The following TMEM37 variants were observed in gnomAD, a reference collection of about 807,000 sequenced individuals.
The protein encoded by TMEM37 is transmembrane protein 37, also known as voltage-dependent calcium channel gamma-like subunit.
Under a neutral mutation model 11.0 loss-of-function variants are expected in TMEM37, and 12 were observed. The observed-to-expected ratio is 1.09, with a 90% confidence interval of 0.70 to 1.76. The LOEUF is 1.76. Among genes scored for constraint, TMEM37 ranks in the 40% most tolerant of loss-of-function variants. TMEM37 has a pLI of 0.00. For synonymous variants in TMEM37, 127 were observed against 110.5 expected, an observed-to-expected ratio of 1.15 and a Z score of -0.94; for missense variants, 203 against 251.2, an observed-to-expected ratio of 0.81 and a Z score of 1.30.
At chr2:119,430,867 T>C (rs993154859), upstream of TMEM37, among the ~76,000 whole-genome samples, 3 of 152,268 alleles carry the variant, frequency 2.0e-5, no homozygotes, top group East Asian at 5.8e-4. Flanking sequence ...CCGGATGCGG[T>C]GGCTCATGCC....
At position 119,437,086 on chromosome 2, in the gene TMEM37, C is replaced by T; in HGVS notation, c.219C>T (p.Phe73=). The T allele has an allele frequency of 2.5e-6, 4 of 1,614,228 alleles. No homozygotes were observed. Among genetic ancestry groups the T allele is most frequent in the Non-Finnish European group, 3.4e-6 (4 of 1,180,018 alleles). ...CCACCACCAACCAGACGATCTGCTTCAGAGACCTGGGCCAGGCCCATGTGC... is the reference window on the plus strand; with the variant it reads ...CCACCACCAACCAGACGATCTGCTTTAGAGACCTGGGCCAGGCCCATGTGC... ...FCTTTNQTIC[F]RDLGQAHVPG... is the part of the protein sequence containing the mutation. Residue 73 remains phenylalanine (F), a synonymous_variant, in exon 2 of 2, where the codon TTC becomes TTT. Transcript: ENST00000306406.
intron 1 of TMEM37, among the ~76,000 whole-genome samples, chr2:119,434,746 C>T (rs1035115888): frequency 6.6e-6 from 1 of 152,216 alleles, no homozygotes; most frequent in Admixed American, 6.5e-5. Context: ...CATCCCTCTG[C>T]ACGCACCTTT....
rs1207182701 is a variant in TMEM37, at chr2:119,437,408, C to G, written c.541C>G (p.His181Asp). Residue 181 changes from histidine to aspartate, a missense_variant, in exon 2 of 2, where the codon CAC (histidine) becomes GAC (aspartate). His to Asp is a moderately conservative substitution (Grantham distance 81). Transcript: ENST00000306406. ...LLFLNAISGL[H>D]INSITHPWE ...CTTCCTGAACGCCATCAGCGGCCTT[C>G]ACATCAACAGCATCACCCATCCCTG... is the stretch of plus-strand genomic sequence containing the variant. 1.2e-6 allele frequency: 2 copies of G among 1,614,130 alleles called. No homozygotes were observed. Among genetic ancestry groups the G allele is most frequent in the South Asian group, 2.2e-5 (2 of 91,058 alleles).
chr2:119,431,690 G>A (rs1682397046), upstream of TMEM37, among the ~76,000 whole-genome samples: 1 of 152,114 alleles, frequency 6.6e-6, no homozygotes, highest in African/African-American at 2.4e-5. Flanking sequence ...GGCTCCTCCG[G>A]CCGCCCTCGC....
upstream of TMEM37, chr2:119,429,922 T>G: frequency 6.4e-7 from 1 of 1,550,440 alleles, no homozygotes; most frequent in Non-Finnish European, 8.7e-7. Flanking sequence ...AGGCAGTGGG[T>G]GCAGATGACC....
upstream of TMEM37, chr2:119,431,842 G>T: frequency 8.1e-7 from 1 of 1,227,788 alleles, no homozygotes; most frequent in Non-Finnish European, 1.0e-6. Context: ...CCGGGCTGGC[G>T]CCGGCGGCCA....
intron 1 of TMEM37, 21 bp downstream of exon 1, chr2:119,431,945 C>A: frequency 8.2e-7 from 1 of 1,222,084 alleles, no homozygotes; most frequent in East Asian, 3.2e-5. Flanking sequence ...CCTGGCGGGG[C>A]GCTGACCCGG....
In TMEM37 at chr2:119,437,468, G is replaced by A. The variant is rs1682525730; in HGVS notation, c.*28G>A. ...GTGGAAATTTTAGGCCCCCTCCAGG[G>A]ACATCAGATTCCACAAGAAAATATG... On this transcript the variant is annotated 3_prime_UTR_variant, in exon 2 of 2. Coordinates refer to ENST00000306406, the MANE Select transcript of TMEM37 (RefSeq NM_183240.3). 1.3e-6 allele frequency: 2 copies of A among 1,590,980 alleles called. No homozygotes were observed. The highest frequency in any genetic ancestry group is 8.6e-7 in the Non-Finnish European group (1 of 1,168,694).
intron 1 of TMEM37, among the ~76,000 whole-genome samples, chr2:119,433,751 A>T (rs922691161): frequency 6.6e-6 from 1 of 152,286 alleles, no homozygotes; most frequent in South Asian, 2.1e-4. Flanking sequence ...GGGGTCCTCT[A>T]GGTCAGGGGC....
At chr2:119,436,798 AG>A in intron 1 of TMEM37, 90 bp from the exon 2 acceptor site, 1 of 1,024,128 alleles carries the variant, frequency 9.8e-7, no homozygotes, top group Non-Finnish European at 1.5e-6. Flanking sequence ...AGTGCGGAGC[AG>A]GATGGAGGGC....
At chr2:119,432,797 T>C (rs1394746161) in intron 1 of TMEM37, among the ~76,000 whole-genome samples, 1 of 152,076 alleles carries the variant, frequency 6.6e-6, no homozygotes, top group Non-Finnish European at 1.5e-5. Context: ...TAACCGAGAC[T>C]CAGAAGTAAG....
chr2:119,432,880 G>T lies in TMEM37; in HGVS notation c.21+956G>T, dbSNP rs759495701. On this transcript the variant is annotated intron_variant, in intron 1 of 1. Transcript: ENST00000306406. The stretch of plus-strand genomic sequence containing the variant: ...GGCTTTCTGGCTCCAAATCCCACTG[G>T]CTCCTCCTGCCTTTACCTAACGGGA... Among the ~76,000 whole-genome samples, 69 of 152,288 alleles carry T rather than the reference G, an allele frequency of 4.5e-4. 1 individual carries two copies. Among genetic ancestry groups the T allele is most frequent in the Admixed American group, 1.7e-3 (26 of 15,296 alleles).
Position 119,437,369 on chromosome 2 carries a change from GCCT to G in TMEM37, c.506_508del (p.Ser169del), listed in dbSNP as rs1445780917. 1.9e-6 allele frequency: 3 copies of G among 1,614,100 alleles called. No homozygotes were observed. The highest frequency in any genetic ancestry group is 2.5e-6 in the Non-Finnish European group (3 of 1,180,058). ...CCTAATGTTTTGGTGCGAATTCACT[GCCT>G]CCTTCCTCCTCTTCCTGAACGCCAT... On this transcript the variant is annotated inframe_deletion, in exon 2 of 2. Coordinates refer to ENST00000306406, the MANE Select transcript of TMEM37 (RefSeq NM_183240.3).
rs1329695045 is a variant in TMEM37, at chr2:119,431,868, A to G, written c.-36A>G. 1 of 1,233,940 alleles carries G rather than the reference A, an allele frequency of 8.1e-7. No individual in the cohort carries two copies. The allele number at this position is 1,233,940 out of a possible 1,614,324, so 76.4% of individuals were successfully genotyped here. A position where few individuals can be genotyped will look rare whatever the true frequency, so the allele number is the denominator to read the frequency against. ...CCGGCGGCCACAGCGGAGCAGCTGGAGCGATCGAGGCTGCAGCGCGGCCGC... is the reference window on the plus strand; with the variant it reads ...CCGGCGGCCACAGCGGAGCAGCTGGGGCGATCGAGGCTGCAGCGCGGCCGC... On this transcript the variant is annotated 5_prime_UTR_variant, in exon 1 of 2. Transcript: ENST00000306406.
chr2:119,430,369 G>C (rs1214816516), upstream of TMEM37: 1 of 486,042 alleles, frequency 2.1e-6, no homozygotes, highest in Middle Eastern at 3.2e-4. Flanking sequence ...GTGCAGAATG[G>C]TGGCAAGAAC....
intron 1 of TMEM37, among the ~76,000 whole-genome samples, chr2:119,432,776 T>G (rs901943619): frequency 1.3e-5 from 2 of 152,192 alleles, no homozygotes; most frequent in African/African-American, 4.8e-5. Flanking sequence ...CTGCCCATTG[T>G]ATAGATGAGG....
At chr2:119,433,449 G>A (rs1010681456) in intron 1 of TMEM37, among the ~76,000 whole-genome samples, 2 of 152,170 alleles carry the variant, frequency 1.3e-5, no homozygotes, top group Non-Finnish European at 2.9e-5. Flanking sequence ...GGGCAGAGTG[G>A]GTGATGAGGG....
upstream of TMEM37, among the ~76,000 whole-genome samples, chr2:119,431,190 G>GA (rs1252696496): frequency 6.6e-6 from 1 of 152,236 alleles, no homozygotes; most frequent in East Asian, 1.9e-4. Context: ...TCGAGGTGGA[G>GA]AAAAAATAAC....
At chr2:119,436,862 C>A in intron 1 of TMEM37, 27 bp from the exon 2 acceptor site, 3 of 1,584,610 alleles carry the variant, frequency 1.9e-6, no homozygotes, top group Non-Finnish European at 2.6e-6. Flanking sequence ...CTGTGGCTGA[C>A]AGGGTGCTTC....
Sources: allele counts gnomAD v4.1 joint callset (sites outside exome capture counted in the v4.1 genomes callset), GRCh38; gene constraint gnomAD v4.1.1; transcripts MANE v1.5; gene names NCBI Gene and HGNC (gene_info 2026-07-23, HGNC 2026-07-21).